The following UBE2V1 variants were observed in gnomAD, a reference collection of about 807,000 sequenced individuals.
The protein encoded by UBE2V1 is ubiquitin conjugating enzyme E2 V1, also known as ubiquitin-conjugating enzyme E2 variant 1.
In UBE2V1, 15 loss-of-function variants were observed where a neutral mutation model predicts 19.6. The ratio of observed to expected loss-of-function variants is 0.77; its 90% CI spans 0.51 to 1.18. The LOEUF is 1.18. Ranked by LOEUF, UBE2V1 falls within the 50% of genes most tolerant of loss-of-function variation. The pLI is 0.00. For missense variants in UBE2V1, 125 were observed against 184.8 expected (o/e 0.68, Z 1.88); for synonymous variants, 60 against 60.7 (o/e 0.99, Z 0.05).
upstream of UBE2V1, among the ~76,000 whole-genome samples, chr20:50,114,292 C>T (rs1166365213): frequency 1.3e-5 from 2 of 152,184 alleles, no homozygotes; most frequent in Admixed American, 1.3e-4. Flanking sequence ...CCTCACCCAG[C>T]ACATCCAATT....
At chr20:50,095,217 G>A (rs2079551399) in intron 2 of UBE2V1, 1 of 152,204 alleles carries the variant, frequency 6.6e-6, no homozygotes, top group Admixed American at 6.5e-5. Flanking sequence ...GGGAAGCACA[G>A]TTCTCATCCT....
chr20:50,084,598 G>T (rs1302942715), intron 2 of UBE2V1: 1 of 466,130 alleles, frequency 2.1e-6, no homozygotes, highest in Non-Finnish European at 4.3e-6. Context: ...CTAGGAAGCC[G>T]AGTTAAATGT....
At chr20:50,090,851 T>G (rs1482900745) in intron 2 of UBE2V1, among the ~76,000 whole-genome samples, 1 of 152,178 alleles carries the variant, frequency 6.6e-6, no homozygotes. Flanking sequence ...GTTGATTAAT[T>G]TGGTTGTGGT....
At chr20:50,104,498 A>G in intron 1 of UBE2V1, 1 of 315,700 alleles carries the variant, frequency 3.2e-6, no homozygotes, top group Non-Finnish European at 4.6e-6. Context: ...TCTACTAAAA[A>G]TACAAAAAAT....
At chr20:50,086,532 A>C (rs919970765) in intron 2 of UBE2V1, among the ~76,000 whole-genome samples, 2 of 152,236 alleles carry the variant, frequency 1.3e-5, no homozygotes, top group African/African-American at 2.4e-5. Flanking sequence ...TTTATGGAGA[A>C]TATAACAGAT....
In UBE2V1 at chr20:50,081,848, A is replaced by T. The variant is rs1485907657; in HGVS notation, c.*920T>A. On this transcript the variant is annotated 3_prime_UTR_variant, in exon 4 of 4. Coordinates refer to ENST00000371674, the MANE Select transcript of UBE2V1 (RefSeq NM_001032288.3). ...CTTATCAAAACCTGAGCTAAAAACAATGCATCAGCTGATGACAGCAGAGGG... is the reference window on the plus strand; with the variant it reads ...CTTATCAAAACCTGAGCTAAAAACATTGCATCAGCTGATGACAGCAGAGGG... 7.6e-6 allele frequency: 2 copies of T among 264,812 alleles called. No individual in the cohort carries two copies. The highest frequency in any genetic ancestry group is 1.4e-5 in the Non-Finnish European group (2 of 140,968). 16.4% of individuals were successfully genotyped at this position (264,812 alleles called of 1,614,324 possible).
intron 1 of UBE2V1, chr20:50,111,579 G>C: frequency 1.0e-6 from 1 of 1,000,238 alleles, no homozygotes; most frequent in Non-Finnish European, 1.2e-6. Flanking sequence ...CCAAAATCGA[G>C]TAAAAGGATT....
chr20:50,093,987 CAAAAAAAAAA>C (rs60174191), intron 2 of UBE2V1, among the ~76,000 whole-genome samples: 1 of 56,306 alleles, frequency 1.8e-5, no homozygotes, highest in Non-Finnish European at 3.3e-5. Flanking sequence ...GACTCCAACT[CAAAAAAAAAA>C]AAAAAAAAAA....
intron 2 of UBE2V1, chr20:50,084,891 CTTTTTTTTTTTTTT>C (rs200222788): frequency 5.5e-5 from 6 of 109,696 alleles, no homozygotes; most frequent in South Asian, 2.3e-4. Context: ...GAAAAGCAGT[CTTTTTTTTTTTTTT>C]TTTTTTTTGA....
At chr20:50,099,093 C>G (rs1432674365) in intron 1 of UBE2V1, 1 of 397,380 alleles carries the variant, frequency 2.5e-6, no homozygotes, top group Non-Finnish European at 3.4e-6. Context: ...GGGGAAAAGT[C>G]ACTACATTAC....
intron 2 of UBE2V1, chr20:50,084,739 C>A: frequency 5.5e-6 from 2 of 366,210 alleles, no homozygotes; most frequent in South Asian, 4.2e-5. Context: ...AGAGCTGCTT[C>A]CCCCTTCTCC....
intron 1 of UBE2V1, among the ~76,000 whole-genome samples, chr20:50,101,711 A>C (rs1484108398): frequency 9.9e-5 from 15 of 152,092 alleles, no homozygotes; most frequent in Admixed American, 9.8e-4. Flanking sequence ...ACCTTCTCTC[A>C]GTGTGATAGT....
intron 1 of UBE2V1, among the ~76,000 whole-genome samples, chr20:50,099,452 G>A (rs750736343): frequency 6.6e-6 from 1 of 152,196 alleles, no homozygotes; most frequent in Admixed American, 6.5e-5. Context: ...AGAACAAGAT[G>A]TTAACAGCTG....
Position 50,093,923 on chromosome 20 carries a change from G to A in UBE2V1, c.171+2749C>T, listed in dbSNP as rs1178904259. Among the ~76,000 whole-genome samples the A allele has an allele frequency of 4.8e-5, 7 of 145,142 alleles. No homozygotes were observed. The East Asian group carries it at 6.0e-4, about 13-fold the overall frequency. On this transcript the variant is annotated intron_variant, in intron 2 of 3. Transcript: ENST00000371674. ...GAATTGCTTGAATCCGGGAGGTGGA[G>A]GTTGCAGTGAGCCGAGATTGCGCCA...
intron 2 of UBE2V1, chr20:50,095,895 T>A (rs2079588146): frequency 6.6e-6 from 1 of 152,260 alleles, no homozygotes; most frequent in Non-Finnish European, 1.5e-5. Context: ...GAGCACAGGC[T>A]CTGGAGTCAG....
At chr20:50,106,890 A>C (rs2080421885) in intron 1 of UBE2V1, among the ~76,000 whole-genome samples, 1 of 151,812 alleles carries the variant, frequency 6.6e-6, no homozygotes, top group Non-Finnish European at 1.5e-5. Flanking sequence ...AAAAAAAACA[A>C]AAAAAAGGTA....
Position 50,102,725 on chromosome 20 carries a change from G to A in UBE2V1, c.23-5905C>T, listed in dbSNP as rs115355708. 7.9e-3 allele frequency among the ~76,000 whole-genome samples: 1,205 copies of A among 152,186 alleles called. 17 individuals carry two copies. The highest frequency in any genetic ancestry group is 0.025 in the African/African-American group (1,045 of 41,508). ...TCTTAAAGGTAAACTAGGTGCCCTCGCTCTCCTACCAGAAGCCTACTCTTG... is the reference window on the plus strand; with the variant it reads ...TCTTAAAGGTAAACTAGGTGCCCTCACTCTCCTACCAGAAGCCTACTCTTG... On this transcript the variant is annotated intron_variant, in intron 1 of 3. Transcript: ENST00000371674.
intron 1 of UBE2V1, among the ~76,000 whole-genome samples, chr20:50,106,368 G>C (rs1011080116): frequency 2.6e-5 from 4 of 152,282 alleles, no homozygotes; most frequent in Admixed American, 6.5e-5. Flanking sequence ...CCATGCCACA[G>C]TAAAACATTT....
intron 1 of UBE2V1, among the ~76,000 whole-genome samples, chr20:50,106,278 A>G (rs1048813758): frequency 6.6e-6 from 1 of 152,224 alleles, no homozygotes; most frequent in Non-Finnish European, 1.5e-5. Flanking sequence ...TATAAACTGA[A>G]AAGACAGCAG....
Sources: gnomAD v4.1 joint callset for allele counts (sites outside exome capture counted in the v4.1 genomes callset) on GRCh38, gnomAD v4.1.1 for gene constraint, MANE v1.5 for transcripts, NCBI Gene and HGNC (gene_info 2026-07-23, HGNC 2026-07-21) for gene names.